The following HERPUD2 variants were observed in gnomAD, a reference collection of about 807,000 sequenced individuals.
The protein encoded by HERPUD2 is HERPUD family member 2, also known as homocysteine-responsive endoplasmic reticulum-resident ubiquitin-like domain member 2 protein.
HERPUD2 carries 13 observed loss-of-function variants against 49.9 expected under a neutral mutation model. The observed-to-expected ratio is 0.26, with a 90% CI of 0.17 to 0.41. The LOEUF (loss-of-function observed/expected upper bound fraction) is 0.41, where lower values mean the gene tolerates loss of function less well. Ranked by LOEUF, HERPUD2 falls within the 10% of genes least tolerant of loss-of-function variation. HERPUD2 has a pLI of 1.00. For missense variants in HERPUD2, 449 were observed against 492.2 expected (o/e 0.91, Z 0.83); for synonymous variants, 172 against 171.4 (o/e 1.00, Z -0.03).
intron 5 of HERPUD2, among the ~76,000 whole-genome samples, chr7:35,644,806 T>C (rs2115854690): frequency 6.6e-6 from 1 of 152,162 alleles, no homozygotes; most frequent in South Asian, 2.1e-4. Flanking sequence ...ATGCACTATG[T>C]CAGTCTCTTC....
chr7:35,690,056 T>C (rs1786145751), intron 2 of HERPUD2, among the ~76,000 whole-genome samples: 1 of 152,218 alleles, frequency 6.6e-6, no homozygotes, highest in African/African-American at 2.4e-5. Flanking sequence ...AAGTCTAAAC[T>C]CAGATTAAAG....
intron 5 of HERPUD2, among the ~76,000 whole-genome samples, chr7:35,652,639 G>A (rs911064687): frequency 2.1e-5 from 3 of 143,666 alleles, no homozygotes; most frequent in African/African-American, 7.6e-5. Context: ...GGAAGGAAAG[G>A]AAGAAAAGGA....
At chr7:35,684,870 C>T (rs1786000674) in intron 2 of HERPUD2, among the ~76,000 whole-genome samples, 1 of 152,108 alleles carries the variant, frequency 6.6e-6, no homozygotes, top group Non-Finnish European at 1.5e-5. Flanking sequence ...AACCAAACAC[C>T]ACCTGTTACC....
chr7:35,658,085 T>A (rs1785320917), intron 5 of HERPUD2, among the ~76,000 whole-genome samples: 2 of 152,290 alleles, frequency 1.3e-5, no homozygotes, highest in South Asian at 4.1e-4. Context: ...TCAATCTAAG[T>A]GTTCATTAAT....
intron 5 of HERPUD2, among the ~76,000 whole-genome samples, chr7:35,657,603 C>CAAAAA (rs34292182): frequency 1.8e-5 from 1 of 57,098 alleles, no homozygotes; most frequent in Admixed American, 2.0e-4. Context: ...GACCTTCTCT[C>CAAAAA]AAAAAAAAAA....
At chr7:35,675,273 C>T (rs564613802) in intron 2 of HERPUD2, among the ~76,000 whole-genome samples, 1 of 152,298 alleles carries the variant, frequency 6.6e-6, no homozygotes, top group African/African-American at 2.4e-5. Context: ...TTCTGTATTG[C>T]GTGTTGTGAG....
intron 3 of HERPUD2, 93 bp downstream of exon 3, chr7:35,673,108 T>C (rs904423644): frequency 2.3e-6 from 2 of 855,720 alleles, no homozygotes; most frequent in African/African-American, 3.4e-5. Flanking sequence ...ATTTTAAGTA[T>C]CTAAAAACTG....
intron 5 of HERPUD2, among the ~76,000 whole-genome samples, chr7:35,639,964 T>C (rs756434549): frequency 3.9e-5 from 6 of 152,182 alleles, no homozygotes; most frequent in Non-Finnish European, 7.4e-5. Flanking sequence ...TAGGGTCCTA[T>C]ATAAGGGGGA....
intron 2 of HERPUD2, among the ~76,000 whole-genome samples, chr7:35,674,703 T>G (rs1411110718): frequency 6.9e-6 from 1 of 145,660 alleles, no homozygotes; most frequent in Non-Finnish European, 1.5e-5. Flanking sequence ...TGGCTTAAGG[T>G]TGAGTTGACA....
chr7:35,666,980 T>A (rs566672207), intron 5 of HERPUD2, among the ~76,000 whole-genome samples: 2 of 152,204 alleles, frequency 1.3e-5, no homozygotes, highest in Admixed American at 1.3e-4. Context: ...CTGTACTCTT[T>A]CAAGTATACC....
chr7:35,691,159 TGAA>T (rs1339129284), intron 2 of HERPUD2, among the ~76,000 whole-genome samples: 1 of 152,146 alleles, frequency 6.6e-6, no homozygotes, highest in African/African-American at 2.4e-5. Context: ...TATAAATAAA[TGAA>T]GACCCAAAAA....
At chr7:35,666,654 T>C (rs1785542271) in intron 5 of HERPUD2, among the ~76,000 whole-genome samples, 1 of 152,238 alleles carries the variant, frequency 6.6e-6, no homozygotes, top group Non-Finnish European at 1.5e-5. Context: ...AACAGTCTGC[T>C]TTCACACACA....
In HERPUD2 at chr7:35,670,256, T is replaced by C. The variant is rs1316805813; in HGVS notation, c.298A>G (p.Asn100Asp). Residue 100 changes from asparagine (N) to aspartate (D), a missense_variant, in exon 4 of 9, where the codon AAT becomes GAT. Transcript: ENST00000311350. ...TPPSSPKSST[N>D]RESHEALASS... Reference sequence around the variant, plus strand: ...GCCAATGCTTCATGACTTTCTCTATTGGTGCTGGATTTTGGAGAACTGGGA... The same window carrying C: ...GCCAATGCTTCATGACTTTCTCTATCGGTGCTGGATTTTGGAGAACTGGGA... 5.0e-6 allele frequency: 8 copies of C among 1,588,648 alleles called. No individual in the cohort carries two copies. The highest frequency in any genetic ancestry group is 6.9e-6 in the Non-Finnish European group (8 of 1,164,924).
chr7:35,652,873 G>C lies in HERPUD2; in HGVS notation c.495-14401C>G, dbSNP rs530825952. On this transcript the variant is annotated intron_variant, in intron 5 of 8. Coordinates refer to ENST00000311350, the MANE Select transcript of HERPUD2 (RefSeq NM_022373.5). ...GGCCGGCCCTCCAAGAAATAATTAA[G>C]GGAGCCCTATACCCGGAAGGAAACA... is the stretch of plus-strand genomic sequence containing the variant. Among the ~76,000 whole-genome samples, 10 of 151,944 alleles carry C rather than the reference G, an allele frequency of 6.6e-5. No individual in the cohort carries two copies. In the South Asian group the frequency reaches 1.7e-3, roughly 25 times the overall value.
intron 6 of HERPUD2, among the ~76,000 whole-genome samples, chr7:35,636,878 C>T (rs761781696): frequency 1.3e-5 from 2 of 152,052 alleles, no homozygotes; most frequent in African/African-American, 2.4e-5. Context: ...CCTGTAATCC[C>T]GGCACTTTGG....
chr7:35,668,595 G>T (rs936332100), intron 4 of HERPUD2: 5 of 154,740 alleles, frequency 3.2e-5, no homozygotes, highest in Non-Finnish European at 7.3e-5. Context: ...CCCATGCTAA[G>T]TCCTGCAATG....
At chr7:35,637,764 T>C (rs150338663) in intron 6 of HERPUD2, among the ~76,000 whole-genome samples, 1 of 152,268 alleles carries the variant, frequency 6.6e-6, no homozygotes, top group Non-Finnish European at 1.5e-5. Flanking sequence ...AAATGAGCTA[T>C]TAAAGGACAC....
intron 5 of HERPUD2, among the ~76,000 whole-genome samples, chr7:35,641,319 T>C (rs1189990775): frequency 2.0e-5 from 3 of 152,128 alleles, no homozygotes; most frequent in African/African-American, 7.2e-5. Flanking sequence ...TAAAGACCTT[T>C]AAAAATGTTT....
Position 35,635,440 on chromosome 7 carries a change from A to G in HERPUD2, c.636T>C (p.Ala212=). The change falls in exon 7 of 9, where the codon GCT becomes GCC. Residue 212 remains alanine, a synonymous_variant. Transcript: ENST00000311350. The stretch of plus-strand genomic sequence containing the variant: ...TTGGGTTGACATTTGATGTGGCCTG[A>G]GCTGAAACTGCAGCTTGACTGAAAT... ...YYMQYQAAVS[A]QATSNVNPTQ... 1.2e-6 allele frequency: 2 copies of G among 1,611,640 alleles called. No individual in the cohort carries two copies. Among genetic ancestry groups the G allele is most frequent in the South Asian group, 2.2e-5 (2 of 91,028 alleles).
Sources: gnomAD v4.1 joint callset for allele counts (sites outside exome capture counted in the v4.1 genomes callset) on GRCh38, gnomAD v4.1.1 for gene constraint, MANE v1.5 for transcripts, NCBI Gene and HGNC (gene_info 2026-07-23, HGNC 2026-07-21) for gene names.